The following RAD51B variants were observed in gnomAD, a reference collection of about 807,000 sequenced individuals.
The protein encoded by RAD51B is RAD51 paralog B, also known as DNA repair protein RAD51 homolog 2.
A neutral mutation model predicts 42.2 loss-of-function variants in RAD51B; 38 were observed. The ratio of observed to expected loss-of-function variants is 0.90; its 90% confidence interval spans 0.70 to 1.18. RAD51B has a LOEUF of 1.18. Ranked by LOEUF, RAD51B falls within the 50% of genes most tolerant of loss-of-function variation. The probability of loss-of-function intolerance (pLI) is 0.00; values close to 1 mark genes in which losing one functional copy is unlikely to be tolerated. For missense variants in RAD51B, 373 were observed against 400.7 expected (o/e 0.93, Z 0.59); for synonymous variants, 154 against 145.2 (o/e 1.06, Z -0.43).
chr14:68,292,131 C>CCTG, intron 8 of RAD51B, 151 bp downstream of exon 8: 1 of 663,658 alleles, frequency 1.5e-6, no homozygotes, highest in Admixed American at 2.6e-5. Context: ...GGCCACCTTT[C>CCTG]CTGGCATCTG....
intron 7 of RAD51B, among the ~76,000 whole-genome samples, chr14:67,921,634 A>C (rs1194264078): frequency 6.7e-6 from 1 of 149,822 alleles, no homozygotes; most frequent in Non-Finnish European, 1.5e-5. Context: ...TTTTGTGGTT[A>C]CTAAACAGTC....
intron 8 of RAD51B, among the ~76,000 whole-genome samples, chr14:68,325,557 G>A (rs1595710148): frequency 6.7e-6 from 1 of 148,348 alleles, no homozygotes; most frequent in East Asian, 2.0e-4. Context: ...TAGGTATATT[G>A]TTTCATCACA....
downstream of RAD51B, chr14:68,478,213 G>A: frequency 1.0e-6 from 1 of 994,960 alleles, no homozygotes; most frequent in South Asian, 4.7e-5. Flanking sequence ...CTCTGTGTCA[G>A]AGGGAGGTCG....
At chr14:68,585,602 T>G (rs558410391) in intron 10 of RAD51B, among the ~76,000 whole-genome samples, 2 of 152,248 alleles carry the variant, frequency 1.3e-5, no homozygotes, top group African/African-American at 4.8e-5. Context: ...CTGTCCCAGG[T>G]AAGGCCCCTA....
intron 10 of RAD51B, among the ~76,000 whole-genome samples, chr14:68,471,121 T>C (rs73278375): frequency 0.015 from 2,231 of 151,798 alleles, 59 homozygotes; most frequent in African/African-American, 0.051. Context: ...GGTGTGGAGG[T>C]TGGCACCTGG....
At chr14:68,250,178 T>A (rs2080591545) in intron 7 of RAD51B, among the ~76,000 whole-genome samples, 1 of 152,266 alleles carries the variant, frequency 6.6e-6, no homozygotes, top group East Asian at 1.9e-4. Context: ...ATTTAAGATA[T>A]TTTTGCTGTT....
intron 7 of RAD51B, among the ~76,000 whole-genome samples, chr14:67,935,457 TG>T (rs2044904486): frequency 6.6e-6 from 1 of 152,122 alleles, no homozygotes. Context: ...TTTCACCTCC[TG>T]GGGTTGGGTG....
intron 8 of RAD51B, among the ~76,000 whole-genome samples, chr14:68,327,373 T>G (rs1414648467): frequency 7.7e-5 from 6 of 78,064 alleles, no homozygotes; most frequent in Non-Finnish European, 1.3e-4. Context: ...CAGTTTGTTT[T>G]TTTTTGTTGT....
chr14:68,316,451 T>C (rs1469758469), intron 8 of RAD51B, among the ~76,000 whole-genome samples: 1 of 80,350 alleles, frequency 1.2e-5, no homozygotes, highest in Admixed American at 1.3e-4. Context: ...ACCATTCCCA[T>C]GGCAGGCCAG....
chr14:68,071,963 A>G (rs1220018823), intron 7 of RAD51B, among the ~76,000 whole-genome samples: 1 of 147,716 alleles, frequency 6.8e-6, no homozygotes, highest in Non-Finnish European at 1.5e-5. Context: ...CAGGGATTCA[A>G]TTTCTTTCTG....
At chr14:68,355,422 G>C (rs2139888997) in intron 8 of RAD51B, among the ~76,000 whole-genome samples, 1 of 152,296 alleles carries the variant, frequency 6.6e-6, no homozygotes, top group South Asian at 2.1e-4. Flanking sequence ...AGAAAGTAAA[G>C]TGGAACTGGG....
chr14:67,900,968 T>C (rs1292368200), intron 7 of RAD51B, among the ~76,000 whole-genome samples: 1 of 152,190 alleles, frequency 6.6e-6, no homozygotes. Flanking sequence ...TTTTGTCTCA[T>C]GACCAAGAAG....
intron 7 of RAD51B, among the ~76,000 whole-genome samples, chr14:68,195,542 G>A (rs1233553923): frequency 6.6e-6 from 1 of 152,136 alleles, no homozygotes; most frequent in Non-Finnish European, 1.5e-5. Context: ...GTATCTATAA[G>A]TAAATCCAAA....
chr14:67,893,493 C>CAAAAAA (rs1566945246), intron 7 of RAD51B, among the ~76,000 whole-genome samples: 1 of 81,154 alleles, frequency 1.2e-5, no homozygotes, highest in African/African-American at 6.1e-5. Context: ...CACACACACA[C>CAAAAAA]ACACACACAC....
At chr14:68,241,718 C>T (rs1484094979) in intron 7 of RAD51B, among the ~76,000 whole-genome samples, 1 of 151,810 alleles carries the variant, frequency 6.6e-6, no homozygotes, top group Non-Finnish European at 1.5e-5. Flanking sequence ...TCTCCCTGCC[C>T]TCTCCCTGCA....
In RAD51B at chr14:68,326,278, G is replaced by T. The variant is rs182587264; in HGVS notation, c.853+34298G>T. 2.7e-3 allele frequency among the ~76,000 whole-genome samples: 414 copies of T among 152,084 alleles called. 2 individuals are homozygous for T. The highest frequency in any genetic ancestry group is 9.5e-3 in the African/African-American group (395 of 41,472). ...TGGTCTTGAACTCCTGACCTCAGGTGATCCACCTGCCTCGGCCTCCCAGAG... is the reference window on the plus strand; with the variant it reads ...TGGTCTTGAACTCCTGACCTCAGGTTATCCACCTGCCTCGGCCTCCCAGAG... On this transcript the variant is annotated intron_variant, in intron 8 of 10. Transcript: ENST00000471583.
At chr14:68,133,184 T>C (rs1291706496) in intron 7 of RAD51B, among the ~76,000 whole-genome samples, 4 of 152,210 alleles carry the variant, frequency 2.6e-5, no homozygotes, top group Non-Finnish European at 4.4e-5. Context: ...AACTTGAAGT[T>C]CTTTCCAACT....
chr14:68,528,109 T>C (rs78904494), intron 10 of RAD51B, among the ~76,000 whole-genome samples: 1,770 of 152,320 alleles, frequency 0.012, 40 homozygotes, highest in African/African-American at 0.041. Context: ...GAGAAAAGGC[T>C]GGCACCAACC....
intron 10 of RAD51B, among the ~76,000 whole-genome samples, chr14:68,620,031 G>C (rs190927662): frequency 0.049 from 7,481 of 152,162 alleles, 239 homozygotes; most frequent in African/African-American, 0.056. Flanking sequence ...ACTACCCCGG[G>C]GTTAGCCTCT....
Sources: allele counts gnomAD v4.1 joint callset (sites outside exome capture counted in the v4.1 genomes callset), GRCh38; gene constraint gnomAD v4.1.1; transcripts MANE v1.5; gene names NCBI Gene and HGNC (gene_info 2026-07-23, HGNC 2026-07-21).